Variants in LRRC52 observed in about 807,000 individuals in gnomAD.
The protein encoded by LRRC52 is leucine rich repeat containing 52.
Under a neutral mutation model 14.7 loss-of-function variants are expected in LRRC52, and 15 were observed. The observed-to-expected ratio is 1.02, with a 90% CI of 0.68 to 1.58. LRRC52 has a LOEUF of 1.58. LRRC52 is among the 40% of genes most tolerant of loss of function. LRRC52 has a pLI of 0.00. For synonymous variants in LRRC52, 180 were observed against 163.9 expected (o/e 1.10, Z -0.75); for missense variants, 400 against 387.7 (o/e 1.03, Z -0.27).
intron 1 of LRRC52, among the ~76,000 whole-genome samples, chr1:165,562,755 G>A (rs974772319): frequency 2.6e-5 from 4 of 152,118 alleles, no homozygotes; most frequent in Non-Finnish European, 5.9e-5. Flanking sequence ...TAGCCAGGAA[G>A]CTGAGTCAGC....
At chr1:165,558,561 TCA>T (rs2101832323) in intron 1 of LRRC52, among the ~76,000 whole-genome samples, 1 of 152,262 alleles carries the variant, frequency 6.6e-6, no homozygotes, top group South Asian at 2.1e-4. Flanking sequence ...CTAGCACATG[TCA>T]GGCACTCCAG....
At chr1:165,551,612 C>T (rs1661133828) in intron 1 of LRRC52, among the ~76,000 whole-genome samples, 1 of 152,048 alleles carries the variant, frequency 6.6e-6, no homozygotes, top group South Asian at 2.1e-4. Flanking sequence ...ACTAAATGAG[C>T]CTGATGGTGG....
At position 165,563,528 on chromosome 1, in the gene LRRC52, G is replaced by C; in HGVS notation, c.646G>C (p.Glu216Gln). ...AGATGATCTAAATGCCACATGTGTG[G>C]AGCCCACAGAGCTGACAGGGTGGCC... ...PSDDLNATCV[E>Q]PTELTGWPIT... The change falls in exon 2 of 2, where the codon GAG becomes CAG. Residue 216 changes from glutamate (E) to glutamine (Q), a missense_variant. Transcript: ENST00000294818. 6.2e-7 allele frequency: 1 copy of C among 1,613,804 alleles called. No homozygotes were observed. The highest frequency in any genetic ancestry group is 1.3e-5 in the African/African-American group (1 of 75,052).
chr1:165,558,195 T>C (rs1461297084), intron 1 of LRRC52, among the ~76,000 whole-genome samples: 1 of 152,126 alleles, frequency 6.6e-6, no homozygotes, highest in Non-Finnish European at 1.5e-5. Flanking sequence ...TGTACAGAAA[T>C]AAACCAGGTG....
chr1:165,560,951 C>T (rs1481181249), intron 1 of LRRC52, among the ~76,000 whole-genome samples: 2 of 151,888 alleles, frequency 1.3e-5, no homozygotes, highest in Admixed American at 6.6e-5. Flanking sequence ...CAGAGTGTGA[C>T]CGAGAAGAGC....
Position 165,556,812 on chromosome 1 carries a change from G to C in LRRC52, c.623-6693G>C, listed in dbSNP as rs142149558. Among the ~76,000 whole-genome samples, 14 of 152,340 alleles carry C rather than the reference G, an allele frequency of 9.2e-5. No individual in the cohort carries two copies. In the East Asian group the frequency reaches 2.3e-3, roughly 25 times the overall value. On this transcript the variant is annotated intron_variant, in intron 1 of 1. Coordinates refer to ENST00000294818, the MANE Select transcript of LRRC52 (RefSeq NM_001005214.4). ...GGTTTGTGCATGAGGATCTGAGAAG[G>C]GGCCTTGTTGGCCAGTTGGCTTTGG...
intron 1 of LRRC52, among the ~76,000 whole-genome samples, chr1:165,552,941 G>T (rs945506653): frequency 6.6e-6 from 1 of 152,130 alleles, no homozygotes; most frequent in African/African-American, 2.4e-5. Flanking sequence ...CTTGGAGGAG[G>T]GCAGTGAGGA....
intron 1 of LRRC52, among the ~76,000 whole-genome samples, chr1:165,546,274 G>A (rs1661019045): frequency 6.6e-6 from 1 of 152,136 alleles, no homozygotes; most frequent in Non-Finnish European, 1.5e-5. Flanking sequence ...TTGTGCCTTA[G>A]ACACCTGACC....
Position 165,563,932 on chromosome 1 carries a change from AAAAT to A in LRRC52, c.*116_*119del, listed in dbSNP as rs372299977. ...GTCATAGAGATTGAAACCTTCTAGT[AAAAT>A]AAATAAAATCTCTGATGGCCATTTC... On this transcript the variant is annotated 3_prime_UTR_variant, in exon 2 of 2. Coordinates refer to ENST00000294818, the MANE Select transcript of LRRC52 (RefSeq NM_001005214.4). 1,002 of 1,171,976 alleles carry A rather than the reference AAAAT, an allele frequency of 8.5e-4. 5 individuals are homozygous for A. In the African/African-American group the frequency reaches 0.014, roughly 16 times the overall value. The allele number at this position is 1,171,976 out of a possible 1,614,324, so 72.6% of individuals were successfully genotyped here.
intron 1 of LRRC52, among the ~76,000 whole-genome samples, chr1:165,556,665 C>T (rs74335629): frequency 0.039 from 5,918 of 152,300 alleles, 372 homozygotes; most frequent in African/African-American, 0.13. Context: ...TGGATTTGGC[C>T]CACAGGTTGT....
At position 165,544,704 on chromosome 1, in the gene LRRC52, T is replaced by C; in HGVS notation, c.408T>C (p.Pro136=). 1 of 1,613,952 alleles carries C rather than the reference T, an allele frequency of 6.2e-7. No homozygotes were observed. Among genetic ancestry groups the C allele is most frequent in the East Asian group, 2.2e-5 (1 of 44,870 alleles). ...TGCAGCTGAACATTGCCAACAACCC[T>C]CACCTGTTATCGCTTCACAAGTTCA... The part of the protein sequence containing the change: ...NLVQLNIANN[P]HLLSLHKFTF... Residue 136 remains proline, a synonymous_variant, in exon 1 of 2, where the codon CCT becomes CCC. Coordinates refer to ENST00000294818, the MANE Select transcript of LRRC52 (RefSeq NM_001005214.4).
chr1:165,555,459 T>C (rs1661215041), intron 1 of LRRC52, among the ~76,000 whole-genome samples: 1 of 151,924 alleles, frequency 6.6e-6, no homozygotes, highest in Non-Finnish European at 1.5e-5. Flanking sequence ...TCACGTAGGG[T>C]AGATAGGCCA....
At chr1:165,561,907 C>A (rs530619918) in intron 1 of LRRC52, among the ~76,000 whole-genome samples, 1 of 152,354 alleles carries the variant, frequency 6.6e-6, no homozygotes, top group Non-Finnish European at 1.5e-5. Flanking sequence ...TCTCCCCAGC[C>A]AACTTACTTC....
At position 165,544,270 on chromosome 1, in the gene LRRC52, AAAGG is replaced by A; in HGVS notation, c.-25_-22del. The A allele has an allele frequency of 1.4e-6, 2 of 1,379,338 alleles. No individual in the cohort carries two copies. The highest frequency in any genetic ancestry group is 2.3e-5 in the South Asian group (2 of 85,782). The allele number at this position is 1,379,338 out of a possible 1,614,324, so 85.4% of individuals were successfully genotyped here. A position where few individuals can be genotyped will look rare whatever the true frequency, so the allele number is the denominator to read the frequency against. On this transcript the variant is annotated 5_prime_UTR_variant, in exon 1 of 2. Transcript: ENST00000294818. The stretch of plus-strand genomic sequence containing the variant: ...AGAGGACAGAGCCCGCAGGAAGGTG[AAAGG>A]AGGGTGGTTGTGGCTTCTTACTATG...
intron 1 of LRRC52, among the ~76,000 whole-genome samples, chr1:165,562,585 G>A (rs140267076): frequency 2.0e-4 from 30 of 152,262 alleles, no homozygotes; most frequent in Non-Finnish European, 2.8e-4. Flanking sequence ...ATGAGGAAAC[G>A]GAATTCAGAG....
At chr1:165,553,270 G>C (rs1661171381) in intron 1 of LRRC52, among the ~76,000 whole-genome samples, 3 of 152,160 alleles carry the variant, frequency 2.0e-5, no homozygotes, top group African/African-American at 7.2e-5. Context: ...AATTAGAACA[G>C]GATAAATTCA....
At chr1:165,546,615 T>C (rs1392598236) in intron 1 of LRRC52, among the ~76,000 whole-genome samples, 1 of 152,088 alleles carries the variant, frequency 6.6e-6, no homozygotes, top group Non-Finnish European at 1.5e-5. Context: ...CCACCATACA[T>C]GCACTTTTCC....
At chr1:165,545,106 C>T (rs1039795267) in intron 1 of LRRC52, among the ~76,000 whole-genome samples, 188 bp downstream of exon 1, 1 of 152,126 alleles carries the variant, frequency 6.6e-6, no homozygotes, top group Non-Finnish European at 1.5e-5. Flanking sequence ...AATAGGAATT[C>T]AAAGAGCTGA....
chr1:165,562,896 G>T (rs1661377159), intron 1 of LRRC52, among the ~76,000 whole-genome samples: 1 of 151,976 alleles, frequency 6.6e-6, no homozygotes, highest in South Asian at 2.1e-4. Flanking sequence ...TTGCTCCGGG[G>T]GGAAAGTGGT....
Sources: gnomAD v4.1 joint callset for allele counts (sites outside exome capture counted in the v4.1 genomes callset) on GRCh38, gnomAD v4.1.1 for gene constraint, MANE v1.5 for transcripts, NCBI Gene and HGNC (gene_info 2026-07-23, HGNC 2026-07-21) for gene names.